Variants in CSMD2 observed in about 807,000 individuals in gnomAD.
CSMD2 encodes the protein CUB and sushi domain-containing protein 2.
CSMD2 carries 130 observed loss-of-function variants against 398.5 expected under a neutral mutation model. The ratio of observed to expected loss-of-function variants is 0.33; its 90% CI spans 0.28 to 0.38. The LOEUF (loss-of-function observed/expected upper bound fraction) is 0.38. CSMD2 is among the 10% of genes least tolerant of loss of function. The pLI, the probability that CSMD2 is intolerant of heterozygous loss-of-function variation, is 1.00. For missense variants in CSMD2, 3,829 were observed against 4,764.9 expected, an observed-to-expected ratio of 0.80 and a Z score of 5.78; for synonymous variants, 1,828 against 1,908.5, an observed-to-expected ratio of 0.96 and a Z score of 1.10.
intron 13 of CSMD2, among the ~76,000 whole-genome samples, chr1:33,759,100 C>T (rs138463616): frequency 0.019 from 2,888 of 152,198 alleles, 38 homozygotes; most frequent in South Asian, 0.03. Context: ...AAAGTGACAT[C>T]GCTCTTCTGG....
At chr1:34,055,721 CT>C (rs1226867880) in intron 2 of CSMD2, among the ~76,000 whole-genome samples, 1 of 152,178 alleles carries the variant, frequency 6.6e-6, no homozygotes, top group Non-Finnish European at 1.5e-5. Context: ...GTTCTGCTAT[CT>C]GGAAGCTCCT....
intron 5 of CSMD2, among the ~76,000 whole-genome samples, chr1:33,889,886 G>A (rs542553323): frequency 1.3e-5 from 2 of 151,766 alleles, no homozygotes; most frequent in African/African-American, 4.8e-5. Context: ...ACACATAGAC[G>A]ACTTTAACGT....
At chr1:33,851,798 A>G (rs557140747) in intron 5 of CSMD2, among the ~76,000 whole-genome samples, 3 of 152,274 alleles carry the variant, frequency 2.0e-5, no homozygotes, top group East Asian at 3.9e-4. Flanking sequence ...TCTTTCCCCA[A>G]GACAATCCCA....
intron 29 of CSMD2, among the ~76,000 whole-genome samples, chr1:33,645,061 C>T (rs908010654): frequency 1.3e-5 from 2 of 152,018 alleles, no homozygotes; most frequent in African/African-American, 4.8e-5. Context: ...TGGGAAAACA[C>T]TAAGTTTGCC....
intron 5 of CSMD2, among the ~76,000 whole-genome samples, chr1:33,883,469 CT>C (rs112250087): frequency 6.8e-5 from 10 of 148,090 alleles, no homozygotes; most frequent in South Asian, 2.1e-4. Flanking sequence ...TCACAGTTGC[CT>C]TTTTTTTTTA....
At chr1:33,752,747 GGTT>G (rs1648436094) in intron 13 of CSMD2, among the ~76,000 whole-genome samples, 1 of 152,160 alleles carries the variant, frequency 6.6e-6, no homozygotes, top group African/African-American at 2.4e-5. Flanking sequence ...CTGTTTAAAA[GGTT>G]GTCACCAAAA....
At chr1:34,092,647 G>A (rs764439458) in intron 1 of CSMD2, among the ~76,000 whole-genome samples, 16 of 152,150 alleles carry the variant, frequency 1.1e-4, no homozygotes, top group Middle Eastern at 3.4e-3. Context: ...AAGGGGTGAC[G>A]GACGGCACCT....
chr1:33,544,381 T>G (rs1656673621), intron 57 of CSMD2, among the ~76,000 whole-genome samples: 1 of 151,382 alleles, frequency 6.6e-6, no homozygotes, highest in African/African-American at 2.4e-5. Context: ...CCTCCCAAAG[T>G]GCTGGGATTA....
intron 5 of CSMD2, among the ~76,000 whole-genome samples, chr1:33,897,199 T>C (rs140535786): frequency 6.6e-6 from 1 of 152,142 alleles, no homozygotes; most frequent in African/African-American, 2.4e-5. Flanking sequence ...GTAGGGTTTA[T>C]GTGGATTCAG....
intron 13 of CSMD2, among the ~76,000 whole-genome samples, chr1:33,760,104 A>G (rs964113327): frequency 3.3e-5 from 5 of 152,126 alleles, no homozygotes; most frequent in African/African-American, 1.2e-4. Flanking sequence ...AAATTACATG[A>G]CTGTTCATCA....
At chr1:33,821,868 G>T (rs1658193876) in intron 7 of CSMD2, among the ~76,000 whole-genome samples, 1 of 152,170 alleles carries the variant, frequency 6.6e-6, no homozygotes, top group African/African-American at 2.4e-5. Flanking sequence ...GAGCTAATAG[G>T]ATTTAGACAC....
chr1:33,616,970 G>C lies in CSMD2; in HGVS notation c.5952C>G (p.His1984Gln). The C allele has an allele frequency of 1.2e-6, 2 of 1,614,026 alleles. No individual in the cohort carries two copies. Among genetic ancestry groups the C allele is most frequent in the Non-Finnish European group, 1.7e-6 (2 of 1,179,900 alleles). ...TTCCGGGCATGCAGGAGATGTGGGC[G>C]TGGCCCTGGAGGAATCAGGAACAGG... ...QCEPGYALQG[H>Q]AHISCMPGTV... The change falls in exon 39 of 71, where the codon CAC (histidine) becomes CAG (glutamine). Residue 1984 changes from histidine (H) to glutamine (Q), a missense_variant. Physicochemically the swap from His to Gln is conservative, Grantham distance 24 (BLOSUM62 0). This residue lies in a region of CSMD2 where 2,001 missense variants were observed against 2,567.1 expected (regional missense o/e 0.78). Transcript: ENST00000373381.
chr1:33,549,071 T>C (rs1010502495), intron 56 of CSMD2, among the ~76,000 whole-genome samples: 1 of 152,246 alleles, frequency 6.6e-6, no homozygotes, highest in African/African-American at 2.4e-5. Context: ...AAATAGTGGC[T>C]TTGGGACTCT....
chr1:33,700,313 C>T (rs1344630189), intron 23 of CSMD2, among the ~76,000 whole-genome samples: 1 of 152,180 alleles, frequency 6.6e-6, no homozygotes, highest in African/African-American at 2.4e-5. Flanking sequence ...GGCCACTTCA[C>T]TCCTTTTTAT....
At chr1:33,995,804 T>G (rs995482699) in intron 3 of CSMD2, among the ~76,000 whole-genome samples, 2 of 152,260 alleles carry the variant, frequency 1.3e-5, no homozygotes, top group Non-Finnish European at 2.9e-5. Context: ...CAAAGTCCAG[T>G]TGTGTTCATA....
chr1:33,825,859 G>T, intron 6 of CSMD2, 85 bp from the exon 7 acceptor site: 2 of 1,103,624 alleles, frequency 1.8e-6, no homozygotes, highest in Non-Finnish European at 2.7e-6. Context: ...TCCCCCTTGT[G>T]CCTTGGAACA....
Position 33,523,339 on chromosome 1 carries a change from A to G in CSMD2, c.10477T>C (p.Phe3493Leu), listed in dbSNP as rs760612736. ...TCTAAAGCCCAGTGATCATCTTTGA[A>G]CTTATTCATAAAGATCTCCACAGGC... ...TGPVEIFMNK[F>L]KDDHWALDGH... The change falls in exon 67 of 71, where the codon TTC becomes CTC. Residue 3493 changes from phenylalanine to leucine, a missense_variant. This residue lies in a region of CSMD2 where 917 missense variants were observed against 1,199.5 expected (regional missense o/e 0.76). Coordinates refer to ENST00000373381, the MANE Select transcript of CSMD2 (RefSeq NM_001281956.2). 32 of 1,592,514 alleles carry G rather than the reference A, an allele frequency of 2.0e-5. No homozygotes were observed. The highest frequency in any genetic ancestry group is 2.6e-5 in the Non-Finnish European group (30 of 1,160,740).
chr1:33,984,367 G>A (rs551218559), intron 3 of CSMD2, among the ~76,000 whole-genome samples: 1 of 152,132 alleles, frequency 6.6e-6, no homozygotes, highest in Non-Finnish European at 1.5e-5. Flanking sequence ...TGTGGGGTGG[G>A]GGCTGAGTTC....
intron 3 of CSMD2, among the ~76,000 whole-genome samples, chr1:33,958,770 A>G (rs1645250820): frequency 1.3e-5 from 2 of 152,224 alleles, no homozygotes. Flanking sequence ...CAGCTTTGTG[A>G]GACCCTTAGT....
Sources: gnomAD v4.1 joint callset for allele counts (sites outside exome capture counted in the v4.1 genomes callset) on GRCh38, gnomAD v4.1.1 for gene constraint, gnomAD v4.1.1 regional missense constraint, MANE v1.5 for transcripts, NCBI Gene and HGNC (gene_info 2026-07-23, HGNC 2026-07-21) for gene names.